The following DLG1 variants were observed in gnomAD, a reference collection of about 807,000 sequenced individuals.
DLG1 encodes disks large homolog 1.
A neutral mutation model predicts 123.4 loss-of-function variants in DLG1; 42 were observed. The ratio of observed to expected loss-of-function variants is 0.34; its 90% CI spans 0.27 to 0.44. The LOEUF is 0.44. DLG1 is among the 20% of genes least tolerant of loss of function. DLG1 has a pLI of 1.00. For missense variants in DLG1, 942 were observed against 1,082.6 expected, an observed-to-expected ratio of 0.87 and a Z score of 1.82; for synonymous variants, 317 against 356.2, an observed-to-expected ratio of 0.89 and a Z score of 1.24.
At chr3:197,084,459 C>T (rs896816257) in intron 16 of DLG1, among the ~76,000 whole-genome samples, 9 of 151,240 alleles carry the variant, frequency 6.0e-5, no homozygotes, top group Non-Finnish European at 1.2e-4. Context: ...TTACAGGCGC[C>T]CGCCACCACA....
chr3:197,097,364 T>C (rs1244755087), intron 14 of DLG1, among the ~76,000 whole-genome samples: 1 of 152,310 alleles, frequency 6.6e-6, no homozygotes, highest in Middle Eastern at 3.4e-3. Flanking sequence ...TCCTGTTGCA[T>C]CCCCTTGCAC....
chr3:197,156,236 T>C (rs1047840847), intron 5 of DLG1, among the ~76,000 whole-genome samples: 4 of 152,238 alleles, frequency 2.6e-5, no homozygotes, highest in East Asian at 3.9e-4. Flanking sequence ...CTTGTACAAA[T>C]TGAGATTAGA....
intron 4 of DLG1, among the ~76,000 whole-genome samples, chr3:197,259,560 A>T (rs1335199381): frequency 1.3e-5 from 2 of 152,232 alleles, no homozygotes; most frequent in Non-Finnish European, 2.9e-5. Flanking sequence ...GAAATAAAAA[A>T]AGGTAAATTA....
At chr3:197,137,801 T>C (rs1785808426) in intron 9 of DLG1, among the ~76,000 whole-genome samples, 1 of 151,220 alleles carries the variant, frequency 6.6e-6, no homozygotes, top group African/African-American at 2.4e-5. Context: ...GAGGCCTCCG[T>C]CTCTACAAAA....
intron 4 of DLG1, among the ~76,000 whole-genome samples, chr3:197,274,205 A>G (rs2151074135): frequency 6.6e-6 from 1 of 152,324 alleles, no homozygotes; most frequent in Non-Finnish European, 1.5e-5. Context: ...CCTACTACAA[A>G]GCTACAGTCA....
chr3:197,282,784 C>T lies in DLG1; in HGVS notation c.213G>A (p.Lys71=). Residue 71 remains lysine, a synonymous_variant, in exon 4 of 25, where the codon AAG becomes AAA. Transcript: ENST00000667157. The stretch of plus-strand genomic sequence containing the variant: ...TCACAGGTTGAATTGGTTCAGACGG[C>T]TTTGAACGATCTATACATTTTGGAT... ...LDNPKCIDRS[K]PSEPIQPVNT... is the part of the protein sequence containing the mutation. 2 of 1,609,788 alleles carry T rather than the reference C, an allele frequency of 1.2e-6. No individual in the cohort carries two copies. The highest frequency in any genetic ancestry group is 1.7e-6 in the Non-Finnish European group (2 of 1,177,086).
chr3:197,177,160 T>G (rs1043186880), intron 5 of DLG1, among the ~76,000 whole-genome samples: 2 of 152,058 alleles, frequency 1.3e-5, no homozygotes, highest in African/African-American at 4.8e-5. Context: ...CAAGTCTGAG[T>G]CATCATATTA....
chr3:197,205,336 T>G (rs1408672063), intron 4 of DLG1, among the ~76,000 whole-genome samples: 1 of 151,990 alleles, frequency 6.6e-6, no homozygotes, highest in Non-Finnish European at 1.5e-5. Flanking sequence ...AAAAAATTCC[T>G]CAGAAATGAC....
At position 197,278,259 on chromosome 3, in the gene DLG1, G is replaced by A. The variant is rs534573822; in HGVS notation, c.318+4420C>T. Among the ~76,000 whole-genome samples, 5 of 136,564 alleles carry A rather than the reference G, an allele frequency of 3.7e-5. No homozygotes were observed. In the East Asian group the frequency reaches 6.2e-4, roughly 17 times the overall value. 89.6% of individuals were successfully genotyped at this position (136,564 alleles called of 152,430 possible). A position where few individuals can be genotyped will look rare whatever the true frequency, so the allele number is the denominator to read the frequency against. ...GATCGTACCATTGCACTCTAGCCTC[G>A]GTGGGAGAGCAAGACTCTGTCCCAA... is the stretch of plus-strand genomic sequence containing the variant. On this transcript the variant is annotated intron_variant, in intron 4 of 24. Coordinates refer to ENST00000667157, the MANE Select transcript of DLG1 (RefSeq NM_001366207.1).
intron 8 of DLG1, among the ~76,000 whole-genome samples, chr3:197,139,863 G>A (rs1006288885): frequency 1.1e-4 from 17 of 152,158 alleles, no homozygotes; most frequent in African/African-American, 4.1e-4. Context: ...GGAAACTCAT[G>A]ATTTCTATAA....
At chr3:197,051,133 A>G (rs1727329059) in intron 24 of DLG1, among the ~76,000 whole-genome samples, 1 of 152,114 alleles carries the variant, frequency 6.6e-6, no homozygotes, top group Admixed American at 6.6e-5. Context: ...TAGCATTTTG[A>G]CAGGCTGAGG....
intron 6 of DLG1, among the ~76,000 whole-genome samples, chr3:197,144,978 G>C (rs1789967500): frequency 6.6e-6 from 1 of 151,972 alleles, no homozygotes; most frequent in African/African-American, 2.4e-5. Flanking sequence ...CACCATGCCT[G>C]GCTGTTTACT....
chr3:197,067,897 C>T (rs1042749230), intron 19 of DLG1, among the ~76,000 whole-genome samples: 1 of 150,828 alleles, frequency 6.6e-6, no homozygotes, highest in Admixed American at 6.6e-5. Context: ...ACACATCCCC[C>T]CTCACCCCCA....
chr3:197,297,368 GTC>G, intron 1 of DLG1, 133 bp from the exon 2 acceptor site: 1 of 1,461,278 alleles, frequency 6.8e-7, no homozygotes, highest in Non-Finnish European at 9.0e-7. Flanking sequence ...CAAAGAAAGA[GTC>G]TCAAAACGCA....
In DLG1 at chr3:197,119,509, T is replaced by G. The variant is rs1267124914; in HGVS notation, c.1187A>C (p.Asn396Thr). Residue 396 changes from asparagine (N) to threonine (T), a missense_variant, in exon 12 of 25, where the codon AAC becomes ACC. Transcript: ENST00000667157. ...CAAGAAGGAAGATGGGCTAACATGG[T>G]TATCAACAGGCTGAGAAGAAGCTTC... ...ITNSSSQPVDNHVSPSSFLGQ... is the reference protein window; with the variant it reads ...ITNSSSQPVDTHVSPSSFLGQ... The G allele has an allele frequency of 6.2e-7, 1 of 1,610,012 alleles. No individual in the cohort carries two copies.
chr3:197,298,734 G>GC (rs1044450034), upstream of DLG1: 7 of 397,000 alleles, frequency 1.8e-5, no homozygotes, highest in African/African-American at 1.4e-4. Flanking sequence ...ACTCTGCATT[G>GC]CCTTCCACTC....
chr3:197,089,451 C>T (rs1014410467), intron 15 of DLG1, among the ~76,000 whole-genome samples: 1 of 151,304 alleles, frequency 6.6e-6, no homozygotes, highest in African/African-American at 2.4e-5. Flanking sequence ...CCCTTGAACC[C>T]GGGAGGTTGA....
intron 22 of DLG1, among the ~76,000 whole-genome samples, chr3:197,063,704 T>C (rs1156456670): frequency 1.3e-5 from 2 of 152,202 alleles, no homozygotes; most frequent in African/African-American, 2.4e-5. Flanking sequence ...TGTATTTTCA[T>C]ACTGTTGGGG....
At chr3:197,126,481 A>T (rs1483276639) in intron 11 of DLG1, among the ~76,000 whole-genome samples, 1 of 151,764 alleles carries the variant, frequency 6.6e-6, no homozygotes, top group African/African-American at 2.4e-5. Context: ...AAAAAAAAAC[A>T]ACATAATCAT....
Sources: allele counts gnomAD v4.1 joint callset (sites outside exome capture counted in the v4.1 genomes callset), GRCh38; gene constraint gnomAD v4.1.1; transcripts MANE v1.5; gene names NCBI Gene and HGNC (gene_info 2026-07-23, HGNC 2026-07-21).